Variants in COL23A1 observed in about 807,000 individuals in gnomAD.
COL23A1 encodes collagen type XXIII alpha 1 chain, also known as collagen alpha-1(XXIII) chain.
Under a neutral mutation model 99.3 loss-of-function variants are expected in COL23A1, and 97 were observed. The ratio of observed to expected loss-of-function variants is 0.98; its 90% CI spans 0.83 to 1.16. The LOEUF (loss-of-function observed/expected upper bound fraction) is 1.16, where lower values mean the gene tolerates loss of function less well. Among genes scored for constraint, COL23A1 ranks in the 50% most tolerant of loss-of-function variants. COL23A1 has a pLI of 0.00. For synonymous variants in COL23A1, 320 were observed against 308.2 expected (o/e 1.04, Z -0.40); for missense variants, 762 against 757.4 (o/e 1.01, Z -0.07).
At chr5:178,516,429 C>T (rs1285149783) in intron 2 of COL23A1, among the ~76,000 whole-genome samples, 1 of 152,218 alleles carries the variant, frequency 6.6e-6, no homozygotes, top group African/African-American at 2.4e-5. Context: ...GTTTTAAGTT[C>T]ACCTCTCCTG....
chr5:178,243,957 C>T (rs1186546419), intron 25 of COL23A1, among the ~76,000 whole-genome samples: 1 of 152,174 alleles, frequency 6.6e-6, no homozygotes, highest in Admixed American at 6.5e-5. Context: ...TCTTCCTTTC[C>T]CTCGTCCACA....
chr5:178,473,536 A>ACT (rs1756874341), intron 2 of COL23A1, among the ~76,000 whole-genome samples: 1 of 144,226 alleles, frequency 6.9e-6, no homozygotes, highest in African/African-American at 2.6e-5. Flanking sequence ...CTGGTCTTGA[A>ACT]CTCCTGGGCT....
intron 2 of COL23A1, among the ~76,000 whole-genome samples, chr5:178,356,006 G>A (rs1279213962): frequency 6.6e-6 from 1 of 152,222 alleles, no homozygotes; most frequent in Non-Finnish European, 1.5e-5. Flanking sequence ...TCTATTTCCT[G>A]ATATGGGATG....
chr5:178,499,270 T>C (rs2127982508), intron 2 of COL23A1, among the ~76,000 whole-genome samples: 1 of 152,178 alleles, frequency 6.6e-6, no homozygotes, highest in East Asian at 1.9e-4. Context: ...ATTTTAAAAA[T>C]TAGAGGATGA....
Position 178,590,028 on chromosome 5 carries a change from T to C in COL23A1, c.170A>G (p.Gln57Arg). ...SAAACLLLGV[Q>R]AAALQGRVAA... is the part of the protein sequence containing the mutation. Reference sequence around the variant, plus strand: ...CACCCGGCCCTGCAGCGCGGCCGCCTGGACACCCAGCAGCAGGCAGGCAGC... The same window carrying C: ...CACCCGGCCCTGCAGCGCGGCCGCCCGGACACCCAGCAGCAGGCAGGCAGC... Residue 57 changes from glutamine (Q) to arginine (R), a missense_variant, in exon 1 of 29, where the codon CAG becomes CGG. Gln to Arg is a conservative substitution (Grantham distance 43). Transcript: ENST00000390654. This position sits in a 1 kb window ranked among gnomAD's most constrained non-coding sequence, Gnocchi z 5.7. 1 of 1,356,166 alleles carries C rather than the reference T, an allele frequency of 7.4e-7. No homozygotes were observed. 84.0% of individuals were successfully genotyped at this position (1,356,166 alleles called of 1,614,324 possible).
intron 2 of COL23A1, among the ~76,000 whole-genome samples, chr5:178,512,873 C>CT (rs1489700090): frequency 2.0e-5 from 3 of 152,200 alleles, no homozygotes; most frequent in Non-Finnish European, 4.4e-5. Flanking sequence ...GCACATGCAT[C>CT]TTTTCATCCA....
intron 5 of COL23A1, among the ~76,000 whole-genome samples, chr5:178,271,759 G>A (rs1756298878): frequency 1.3e-5 from 2 of 152,378 alleles, no homozygotes; most frequent in South Asian, 2.1e-4. Context: ...AGCCGGCAGG[G>A]CGCATTGTGG....
intron 2 of COL23A1, among the ~76,000 whole-genome samples, chr5:178,417,661 G>A (rs1013110728): frequency 2.0e-5 from 3 of 152,110 alleles, no homozygotes; most frequent in African/African-American, 4.8e-5. Context: ...GAACAGCCCC[G>A]TCTGATTAGA....
At chr5:178,397,691 A>G (rs777228578) in intron 2 of COL23A1, among the ~76,000 whole-genome samples, 4 of 152,254 alleles carry the variant, frequency 2.6e-5, no homozygotes, top group Non-Finnish European at 5.9e-5. Flanking sequence ...GATGTTGTAA[A>G]AAGTTGCAGA....
At chr5:178,258,849 T>C (rs962187179) in intron 12 of COL23A1, among the ~76,000 whole-genome samples, 2 of 151,586 alleles carry the variant, frequency 1.3e-5, no homozygotes, top group African/African-American at 4.8e-5. Context: ...TGCATGCCAC[T>C]GCACCTGGCT....
chr5:178,521,301 C>T, intron 2 of COL23A1, among the ~76,000 whole-genome samples: 1 of 152,160 alleles, frequency 6.6e-6, no homozygotes, highest in East Asian at 1.9e-4. Context: ...CACCTGTAAT[C>T]CCAGCACTTT....
chr5:178,494,852 G>A (rs576096253), intron 2 of COL23A1, among the ~76,000 whole-genome samples: 9 of 152,182 alleles, frequency 5.9e-5, no homozygotes, highest in South Asian at 2.1e-4. Flanking sequence ...CCCTGACATC[G>A]AGGTGGGCCA....
In COL23A1 at chr5:178,431,669, C is replaced by T. The variant is rs570499869; in HGVS notation, c.362-124750G>A. Among the ~76,000 whole-genome samples, 38 of 152,300 alleles carry T rather than the reference C, an allele frequency of 2.5e-4. No homozygotes were observed. The East Asian group carries it at 6.4e-3, about 26-fold the overall frequency. On this transcript the variant is annotated intron_variant, in intron 2 of 28. Coordinates refer to ENST00000390654, the MANE Select transcript of COL23A1 (RefSeq NM_173465.4). The stretch of plus-strand genomic sequence containing the variant: ...CTGAAGAGGCAAAGAACGGATTCTC[C>T]CCTGGAGCCTCCAGAAGGAAGCTGC...
chr5:178,532,565 T>C (rs1309441873), intron 2 of COL23A1, among the ~76,000 whole-genome samples: 1 of 152,120 alleles, frequency 6.6e-6, no homozygotes. Flanking sequence ...ACTGTTCCCA[T>C]TTTACAGAAG....
At chr5:178,260,704 G>T (rs1765578537) in intron 11 of COL23A1, among the ~76,000 whole-genome samples, 2 of 152,204 alleles carry the variant, frequency 1.3e-5, no homozygotes, top group Non-Finnish European at 2.9e-5. Context: ...TGAAGCAGAA[G>T]AATCACTTGA....
chr5:178,334,590 T>C (rs1431904966), intron 2 of COL23A1, among the ~76,000 whole-genome samples: 1 of 152,236 alleles, frequency 6.6e-6, no homozygotes, highest in African/African-American at 2.4e-5. Context: ...ACCCATGGTT[T>C]GATTTCCCCA....
intron 3 of COL23A1, among the ~76,000 whole-genome samples, chr5:178,296,949 A>G (rs1182091730): frequency 6.6e-6 from 1 of 152,212 alleles, no homozygotes; most frequent in Admixed American, 6.5e-5. Context: ...CACCAGCCAG[A>G]GGGGCGTTTA....
intron 1 of COL23A1, among the ~76,000 whole-genome samples, chr5:178,586,219 T>TA (rs1469557606): frequency 1.3e-5 from 2 of 152,248 alleles, no homozygotes; most frequent in Non-Finnish European, 2.9e-5. Flanking sequence ...GACACTCAGA[T>TA]ATTCTGTTAC....
chr5:178,264,865 C>T (rs1429729851), intron 8 of COL23A1, among the ~76,000 whole-genome samples: 1 of 152,132 alleles, frequency 6.6e-6, no homozygotes, highest in South Asian at 2.1e-4. Flanking sequence ...AGGCTGGTTT[C>T]GAACTCCTGA....
Sources: gnomAD v4.1 joint callset for allele counts (sites outside exome capture counted in the v4.1 genomes callset) on GRCh38, gnomAD v4.1.1 for gene constraint, Gnocchi (gnomAD v3.1) non-coding constraint, MANE v1.5 for transcripts, NCBI Gene and HGNC (gene_info 2026-07-23, HGNC 2026-07-21) for gene names.